The following SLIT3 variants were observed in gnomAD, a reference collection of about 807,000 sequenced individuals.
SLIT3 encodes the protein slit guidance ligand 3.
A neutral mutation model predicts 184.0 loss-of-function variants in SLIT3; 68 were observed. The observed-to-expected ratio is 0.37, with a 90% CI of 0.30 to 0.45. SLIT3 has a LOEUF of 0.45. Ranked by LOEUF, SLIT3 falls within the 20% of genes least tolerant of loss-of-function variation. The pLI, the probability that SLIT3 is intolerant of heterozygous loss-of-function variation, is 1.00. For missense variants in SLIT3, 1,707 were observed against 2,026.0 expected (o/e 0.84, Z 3.02); for synonymous variants, 831 against 828.6 (o/e 1.00, Z -0.05).
intron 4 of SLIT3, among the ~76,000 whole-genome samples, chr5:169,192,231 C>A (rs1398768377): frequency 6.6e-6 from 1 of 152,044 alleles, no homozygotes; most frequent in Non-Finnish European, 1.5e-5. Context: ...ATAGCCTTTC[C>A]TACATTTAGC....
intron 8 of SLIT3, among the ~76,000 whole-genome samples, chr5:168,815,238 G>GT (rs1230872099): frequency 6.6e-6 from 1 of 152,218 alleles, no homozygotes; most frequent in African/African-American, 2.4e-5. Context: ...AGGAGAAAGA[G>GT]TGAGGCATTC....
intron 18 of SLIT3, among the ~76,000 whole-genome samples, chr5:168,750,975 T>C (rs1313922258): frequency 6.6e-6 from 1 of 151,548 alleles, no homozygotes; most frequent in Admixed American, 6.6e-5. Context: ...GCTAGAGGGA[T>C]TGGGGCTATG....
intron 8 of SLIT3, among the ~76,000 whole-genome samples, chr5:168,812,899 A>G (rs1229625117): frequency 1.3e-5 from 2 of 152,108 alleles, no homozygotes; most frequent in Non-Finnish European, 2.9e-5. Context: ...AAAAAAAAAA[A>G]AGACGATGAA....
chr5:168,746,756 GGCGGTGT>G (rs1426637364), intron 20 of SLIT3, among the ~76,000 whole-genome samples: 1 of 78,478 alleles, frequency 1.3e-5, no homozygotes, highest in Non-Finnish European at 2.6e-5. Flanking sequence ...GTGTGGGTGT[GGCGGTGT>G]GTGGTGGTGT....
intron 4 of SLIT3, among the ~76,000 whole-genome samples, chr5:169,188,884 C>T (rs933822836): frequency 5.3e-5 from 8 of 152,090 alleles, no homozygotes; most frequent in Non-Finnish European, 1.2e-4. Context: ...GTGGGCAGCC[C>T]CTTAACCCTT....
intron 9 of SLIT3, among the ~76,000 whole-genome samples, chr5:168,801,982 G>C (rs1756780985): frequency 1.3e-5 from 2 of 152,058 alleles, no homozygotes; most frequent in South Asian, 4.2e-4. Context: ...AAGTTGGGGA[G>C]TGCAGAGCCC....
chr5:169,006,632 A>ACAC (rs752430679), intron 4 of SLIT3, among the ~76,000 whole-genome samples: 116 of 133,040 alleles, frequency 8.7e-4, no homozygotes, highest in Non-Finnish European at 1.6e-3. Context: ...CACACACACA[A>ACAC]CTCTCCAAGC....
intron 4 of SLIT3, among the ~76,000 whole-genome samples, chr5:169,035,647 GAAAAAAAAAAA>G (rs201819555): frequency 9.7e-6 from 1 of 103,590 alleles, no homozygotes; most frequent in Non-Finnish European, 2.0e-5. Flanking sequence ...ACTGCATCTG[GAAAAAAAAAAA>G]AAAAAAAAAG....
intron 4 of SLIT3, among the ~76,000 whole-genome samples, chr5:169,149,454 T>C (rs980749075): frequency 2.0e-5 from 3 of 151,790 alleles, no homozygotes; most frequent in Admixed American, 1.3e-4. Context: ...TCTGCAATGA[T>C]TGACTTTTGA....
intron 3 of SLIT3, among the ~76,000 whole-genome samples, chr5:169,239,177 T>C (rs535337354): frequency 6.6e-6 from 1 of 152,294 alleles, no homozygotes; most frequent in South Asian, 2.1e-4. Flanking sequence ...AACCTTGCCT[T>C]CTTTGAATAA....
chr5:168,988,763 C>A (rs1276417919), intron 4 of SLIT3, among the ~76,000 whole-genome samples: 2 of 151,710 alleles, frequency 1.3e-5, no homozygotes, highest in African/African-American at 4.8e-5. Flanking sequence ...GGAGGAGAAT[C>A]AACTAGGAGA....
intron 3 of SLIT3, among the ~76,000 whole-genome samples, chr5:169,235,184 TCA>T (rs1420923318): frequency 2.0e-5 from 3 of 152,182 alleles, no homozygotes; most frequent in Non-Finnish European, 4.4e-5. Context: ...TGCCTAACTC[TCA>T]CTTTCTCTTA....
chr5:169,069,304 G>A (rs1161811761), intron 4 of SLIT3, among the ~76,000 whole-genome samples: 1 of 152,226 alleles, frequency 6.6e-6, no homozygotes, highest in Non-Finnish European at 1.5e-5. Flanking sequence ...TTTCACAGTC[G>A]AGAGAGGAGT....
At chr5:169,050,137 C>A (rs1208593517) in intron 4 of SLIT3, among the ~76,000 whole-genome samples, 2 of 152,138 alleles carry the variant, frequency 1.3e-5, no homozygotes, top group Non-Finnish European at 2.9e-5. Context: ...TCCAGCAGGC[C>A]GTTTGCTGGG....
chr5:168,915,447 G>C (rs1014475048), intron 4 of SLIT3, among the ~76,000 whole-genome samples: 1 of 152,048 alleles, frequency 6.6e-6, no homozygotes, highest in Non-Finnish European at 1.5e-5. Flanking sequence ...CGTACGAATT[G>C]GTTCGCTGTT....
intron 4 of SLIT3, among the ~76,000 whole-genome samples, chr5:169,079,063 CAAG>C (rs1581383435): frequency 2.0e-5 from 3 of 152,124 alleles, no homozygotes; most frequent in Admixed American, 2.0e-4. Flanking sequence ...GCTCCCTAAA[CAAG>C]AAAGAAGAGA....
intron 18 of SLIT3, 27 bp downstream of exon 18, chr5:168,752,928 G>A (rs200423009): frequency 3.7e-5 from 60 of 1,610,864 alleles, no homozygotes; most frequent in East Asian, 4.5e-5. Flanking sequence ...CCCAGAGTCC[G>A]TGGGCAGTGG....
At chr5:168,732,756 G>A (rs1294043793) in intron 20 of SLIT3, among the ~76,000 whole-genome samples, 1 of 152,102 alleles carries the variant, frequency 6.6e-6, no homozygotes, top group Non-Finnish European at 1.5e-5. Context: ...GGGAAAATTG[G>A]ATAGCCATAT....
chr5:168,974,992 G>A (rs925511867), intron 4 of SLIT3, among the ~76,000 whole-genome samples: 32 of 152,106 alleles, frequency 2.1e-4, no homozygotes, highest in African/African-American at 6.3e-4. Context: ...CACCATTCTC[G>A]CTCCCAAGAT....
Sources: allele counts gnomAD v4.1 joint callset (sites outside exome capture counted in the v4.1 genomes callset), GRCh38; gene constraint gnomAD v4.1.1; transcripts MANE v1.5; gene names NCBI Gene and HGNC (gene_info 2026-07-23, HGNC 2026-07-21).